Variants in CNTN3 observed in about 807,000 individuals in gnomAD.
CNTN3 encodes the protein contactin 3, also known as contactin-3.
CNTN3 carries 60 observed loss-of-function variants against 119.1 expected under a neutral mutation model. The ratio of observed to expected loss-of-function variants is 0.50; its 90% CI spans 0.41 to 0.62. The LOEUF (loss-of-function observed/expected upper bound fraction) is 0.62, where lower values mean the gene tolerates loss of function less well. Ranked by LOEUF, CNTN3 falls within the 20% of genes least tolerant of loss-of-function variation. The probability of loss-of-function intolerance (pLI) is 0.00; values close to 1 mark genes in which losing one functional copy is unlikely to be tolerated. For missense variants in CNTN3, 1,101 were observed against 1,242.4 expected (o/e 0.89, Z 1.71); for synonymous variants, 450 against 438.7 (o/e 1.03, Z -0.32).
intron 5 of CNTN3, among the ~76,000 whole-genome samples, chr3:74,419,877 T>C (rs1210493802): frequency 6.6e-6 from 1 of 152,170 alleles, no homozygotes; most frequent in Non-Finnish European, 1.5e-5. Context: ...AACAGGGTAA[T>C]TTTTCTCGTG....
At chr3:74,320,218 C>A (rs778570423) in intron 13 of CNTN3, among the ~76,000 whole-genome samples, 2 of 152,126 alleles carry the variant, frequency 1.3e-5, no homozygotes, top group Non-Finnish European at 2.9e-5. Flanking sequence ...CACATGCACA[C>A]GTGTGTTTAT....
chr3:74,513,118 C>T (rs1283442137), intron 2 of CNTN3, among the ~76,000 whole-genome samples: 1 of 152,108 alleles, frequency 6.6e-6, no homozygotes. Context: ...CCTTTACTTA[C>T]TGGGTGACAT....
In CNTN3 at chr3:74,317,956, C is replaced by T. The variant is rs1021128383; in HGVS notation, c.1669-15149G>A. Among the ~76,000 whole-genome samples the T allele has an allele frequency of 1.7e-4, 26 of 152,182 alleles. 1 individual carries two copies. The highest frequency in any genetic ancestry group is 5.8e-4 in the African/African-American group (24 of 41,450). ...GTTTTCCAACTTGGTTCCATTCTCC[C>T]TGTCACTTTCATGTACACCAATCAG... On this transcript the variant is annotated intron_variant, in intron 13 of 22. Transcript: ENST00000263665.
At chr3:74,340,244 C>G (rs925203153) in intron 11 of CNTN3, among the ~76,000 whole-genome samples, 1 of 151,974 alleles carries the variant, frequency 6.6e-6, no homozygotes, top group African/African-American at 2.4e-5. Flanking sequence ...ACTATGTACA[C>G]ATATGTAGCT....
intron 1 of CNTN3, among the ~76,000 whole-genome samples, chr3:74,556,109 T>G (rs1342840009): frequency 1.3e-5 from 2 of 152,182 alleles, no homozygotes; most frequent in Non-Finnish European, 2.9e-5. Flanking sequence ...CTTATTATGG[T>G]GATAATGCCC....
intron 5 of CNTN3, among the ~76,000 whole-genome samples, chr3:74,415,224 A>G (rs188141277): frequency 1.3e-5 from 2 of 152,112 alleles, no homozygotes; most frequent in Admixed American, 1.3e-4. Context: ...ATCTGGGAAT[A>G]AACTGGAAGG....
intron 4 of CNTN3, among the ~76,000 whole-genome samples, chr3:74,444,119 C>T (rs983114297): frequency 2.0e-5 from 3 of 152,038 alleles, no homozygotes; most frequent in African/African-American, 4.8e-5. Flanking sequence ...TGTGTGTCTC[C>T]GGTTTACATG....
rs531142526 is a variant in CNTN3, at chr3:74,352,358, T to C, written c.1364+9532A>G. On this transcript the variant is annotated intron_variant, in intron 11 of 22. Coordinates refer to ENST00000263665, the MANE Select transcript of CNTN3 (RefSeq NM_020872.3). ...TGCTTCTTACTGGTTTAAAAGACCA[T>C]GTGGCAACAGTCTCTATAAACACCT... Among the ~76,000 whole-genome samples, 439 of 152,310 alleles carry C rather than the reference T, an allele frequency of 2.9e-3. 6 individuals carry two copies. Among genetic ancestry groups the C allele is most frequent in the Non-Finnish European group, 2.5e-3 (167 of 68,024 alleles).
At chr3:74,311,750 C>T (rs190479887) in intron 13 of CNTN3, among the ~76,000 whole-genome samples, 18 of 152,274 alleles carry the variant, frequency 1.2e-4, no homozygotes, top group African/African-American at 4.3e-4. Flanking sequence ...GTCACTCTCT[C>T]CTAACAACAA....
intron 1 of CNTN3, among the ~76,000 whole-genome samples, chr3:74,598,798 G>A (rs1386732638): frequency 2.0e-5 from 3 of 151,966 alleles, no homozygotes; most frequent in African/African-American, 7.2e-5. Context: ...AAATATGTAT[G>A]AAATGTCTAG....
intron 1 of CNTN3, among the ~76,000 whole-genome samples, chr3:74,545,032 G>T (rs1403741337): frequency 6.6e-6 from 1 of 152,168 alleles, no homozygotes; most frequent in Non-Finnish European, 1.5e-5. Context: ...AAGTTCTAGG[G>T]ATGGTTGTTG....
intron 13 of CNTN3, among the ~76,000 whole-genome samples, chr3:74,328,269 A>G (rs1447024165): frequency 6.6e-6 from 1 of 152,140 alleles, no homozygotes; most frequent in African/African-American, 2.4e-5. Flanking sequence ...TCTTGACCTG[A>G]TAAGTTTTAA....
chr3:74,401,878 C>A (rs536560069), intron 5 of CNTN3, among the ~76,000 whole-genome samples: 15 of 152,148 alleles, frequency 9.9e-5, no homozygotes, highest in Non-Finnish European at 8.8e-5. Context: ...AATAACCCAA[C>A]CTTTGTATCT....
At chr3:74,428,314 G>C (rs1701729672) in intron 4 of CNTN3, among the ~76,000 whole-genome samples, 1 of 151,938 alleles carries the variant, frequency 6.6e-6, no homozygotes, top group African/African-American at 2.4e-5. Flanking sequence ...AGGTCCTTCA[G>C]GAGTTTTTCA....
chr3:74,614,416 C>T lies in CNTN3; in HGVS notation c.-106G>A, dbSNP rs544775189. On this transcript the variant is annotated 5_prime_UTR_variant, in exon 1 of 23. Transcript: ENST00000263665. Reference sequence around the variant, plus strand: ...CTGGTCTCTGCAGCTCGCCAGACGCCCGCCCCGACGGCCCACTCGCCGCCG... The same window carrying T: ...CTGGTCTCTGCAGCTCGCCAGACGCTCGCCCCGACGGCCCACTCGCCGCCG... 8.0e-3 allele frequency among the ~76,000 whole-genome samples: 1,190 copies of T among 148,678 alleles called. 12 individuals are homozygous for T. The highest frequency in any genetic ancestry group is 0.028 in the African/African-American group (1,141 of 40,618).
At chr3:74,395,374 CA>C (rs542164542) in intron 5 of CNTN3, among the ~76,000 whole-genome samples, 1 of 129,382 alleles carries the variant, frequency 7.7e-6, no homozygotes, top group Non-Finnish European at 1.7e-5. Flanking sequence ...TATACACACA[CA>C]CATACACACA....
chr3:74,440,506 T>A (rs1176939392), intron 4 of CNTN3, among the ~76,000 whole-genome samples: 3 of 150,256 alleles, frequency 2.0e-5, no homozygotes, highest in South Asian at 4.2e-4. Context: ...AAGTCTCCCA[T>A]AAAATATAAC....
At chr3:74,507,610 T>TTTTC (rs1311515994) in intron 2 of CNTN3, among the ~76,000 whole-genome samples, 2 of 146,698 alleles carry the variant, frequency 1.4e-5, no homozygotes, top group Admixed American at 7.1e-5. Context: ...TTTCTTTTTC[T>TTTTC]TTTCTTTCTT....
chr3:74,287,923 T>C (rs773669807), intron 19 of CNTN3, among the ~76,000 whole-genome samples: 1 of 152,156 alleles, frequency 6.6e-6, no homozygotes, highest in Non-Finnish European at 1.5e-5. Flanking sequence ...TTGACCCTCT[T>C]CAAAAGTCTG....
Sources: gnomAD v4.1 joint callset for allele counts (sites outside exome capture counted in the v4.1 genomes callset) on GRCh38, gnomAD v4.1.1 for gene constraint, MANE v1.5 for transcripts, NCBI Gene and HGNC (gene_info 2026-07-23, HGNC 2026-07-21) for gene names.